The following FUT8 variants were observed in gnomAD, a reference collection of about 807,000 sequenced individuals.
The protein encoded by FUT8 is alpha-(1,6)-fucosyltransferase.
Under a neutral mutation model 71.3 loss-of-function variants are expected in FUT8, and 29 were observed. That is an observed-to-expected ratio of 0.41 (90% CI 0.30 to 0.55). FUT8 has a LOEUF of 0.55. FUT8 is among the 20% of genes least tolerant of loss of function. The pLI is 0.34. For missense variants in FUT8, 544 were observed against 702.1 expected (o/e 0.77, Z 2.55); for synonymous variants, 254 against 239.3 (o/e 1.06, Z -0.57).
chr14:65,650,707 C>CAAAAAAAAAAAAAAAAAAAA (rs57971519), intron 6 of FUT8, among the ~76,000 whole-genome samples: 1 of 118,974 alleles, frequency 8.4e-6, no homozygotes, highest in Admixed American at 8.5e-5. Context: ...CTGCTAATTA[C>CAAAAAAAAAAAAAAAAAAAA]AAAAAAAAAA....
intron 10 of FUT8, among the ~76,000 whole-genome samples, chr14:65,738,912 A>C (rs1050541250): frequency 1.1e-4 from 16 of 152,120 alleles, no homozygotes; most frequent in African/African-American, 3.6e-4. Flanking sequence ...TATTCATTCA[A>C]CAGATACTTA....
chr14:65,691,238 CTTTT>C (rs753975513), intron 7 of FUT8, among the ~76,000 whole-genome samples: 4 of 151,008 alleles, frequency 2.6e-5, no homozygotes, highest in African/African-American at 5.0e-5. Context: ...TTCTTTCTTT[CTTTT>C]GTCTTATTCC....
At position 65,743,835 on chromosome 14, in the gene FUT8, C is replaced by T. The variant is rs530136740; in HGVS notation, c.*1425C>T. 6.6e-6 allele frequency: 1 copy of T among 151,982 alleles called. No individual in the cohort carries two copies. Among genetic ancestry groups the T allele is most frequent in the African/African-American group, 2.4e-5 (1 of 41,526 alleles). The allele number at this position is 151,982 out of a possible 1,614,324, so 9.4% of individuals were successfully genotyped here. A position where few individuals can be genotyped will look rare whatever the true frequency, so the allele number is the denominator to read the frequency against. ...CTTATTGTATGTAGCCTGCCTCCTA[C>T]AGAGGCCTGGTAGGTGTTACTGCAT... On this transcript the variant is annotated 3_prime_UTR_variant, in exon 11 of 11. Transcript: ENST00000673929.
intron 1 of FUT8, among the ~76,000 whole-genome samples, chr14:65,450,506 C>T (rs887233798): frequency 4.6e-5 from 7 of 152,130 alleles, no homozygotes; most frequent in African/African-American, 9.7e-5. Flanking sequence ...GTTCCACTAA[C>T]GATAAGCAAG....
chr14:65,357,548 G>T, the FUT8 span, among the ~76,000 whole-genome samples: 2 of 152,142 alleles, frequency 1.3e-5, no homozygotes, highest in African/African-American at 2.4e-5. Flanking sequence ...TGATTTGAGG[G>T]CCCCCAACAC....
chr14:65,432,884 C>T (rs1276503506), intron 1 of FUT8, among the ~76,000 whole-genome samples: 1 of 152,146 alleles, frequency 6.6e-6, no homozygotes, highest in Non-Finnish European at 1.5e-5. Flanking sequence ...AAATAGGCAA[C>T]CAACAGCCCC....
At chr14:65,690,785 C>T (rs371665819) in intron 7 of FUT8, among the ~76,000 whole-genome samples, 2 of 150,904 alleles carry the variant, frequency 1.3e-5, no homozygotes, top group East Asian at 1.9e-4. Context: ...AGTGTAGTGG[C>T]GTGATCTTGG....
intron 2 of FUT8, among the ~76,000 whole-genome samples, chr14:65,477,342 C>G (rs540156300): frequency 5.9e-5 from 9 of 152,254 alleles, no homozygotes; most frequent in Non-Finnish European, 1.2e-4. Flanking sequence ...ATAAGAGTTC[C>G]CTAGGTCTCT....
At chr14:65,692,911 C>T (rs1206602618) in intron 7 of FUT8, among the ~76,000 whole-genome samples, 17 of 150,796 alleles carry the variant, frequency 1.1e-4, no homozygotes, top group African/African-American at 3.7e-4. Flanking sequence ...AGACGATGGG[C>T]GGCCGGGCAG....
chr14:65,736,154 G>A (rs1896206162), intron 10 of FUT8, among the ~76,000 whole-genome samples: 1 of 151,920 alleles, frequency 6.6e-6, no homozygotes. Context: ...TTCTACATGT[G>A]AAAAAATAAT....
intron 2 of FUT8, among the ~76,000 whole-genome samples, chr14:65,477,233 A>T (rs2066261034): frequency 6.6e-6 from 1 of 152,210 alleles, no homozygotes; most frequent in African/African-American, 2.4e-5. Context: ...CTAATTTTCC[A>T]CATCTGTAAA....
intron 6 of FUT8, among the ~76,000 whole-genome samples, chr14:65,649,903 A>G (rs1891282661): frequency 6.6e-6 from 1 of 152,306 alleles, no homozygotes; most frequent in Admixed American, 6.5e-5. Flanking sequence ...ATGTTTGAGA[A>G]TATATTGGGC....
intron 5 of FUT8, among the ~76,000 whole-genome samples, chr14:65,619,039 G>C (rs1889462091): frequency 6.6e-6 from 1 of 152,206 alleles, no homozygotes; most frequent in Non-Finnish European, 1.5e-5. Flanking sequence ...TTATGGAACT[G>C]AGAGGTCTGG....
At chr14:65,650,312 A>AC (rs1891322032) in intron 6 of FUT8, among the ~76,000 whole-genome samples, 3 of 147,764 alleles carry the variant, frequency 2.0e-5, no homozygotes, top group Middle Eastern at 3.5e-3. Flanking sequence ...AAAAAAAAAA[A>AC]AAAAAAAAAA....
intron 3 of FUT8, among the ~76,000 whole-genome samples, chr14:65,605,189 A>C (rs556511771): frequency 2.6e-5 from 4 of 152,082 alleles, no homozygotes; most frequent in Admixed American, 2.0e-4. Flanking sequence ...GGGTAATCTT[A>C]GAAGGATACA....
intron 3 of FUT8, among the ~76,000 whole-genome samples, chr14:65,572,972 T>C (rs1886564246): frequency 6.6e-6 from 1 of 152,190 alleles, no homozygotes; most frequent in Non-Finnish European, 1.5e-5. Flanking sequence ...TACAGAATAC[T>C]GTTTTCAACA....
intron 1 of FUT8, among the ~76,000 whole-genome samples, chr14:65,423,298 G>T (rs1217156176): frequency 1.1e-4 from 15 of 137,114 alleles, no homozygotes; most frequent in Non-Finnish European, 1.5e-5. Flanking sequence ...GTCTGGCTCT[G>T]TCGGCCAGGC....
intron 1 of FUT8, among the ~76,000 whole-genome samples, chr14:65,439,978 A>ATATATG (rs1566748265): frequency 7.3e-6 from 1 of 137,296 alleles, no homozygotes; most frequent in East Asian, 2.2e-4. Context: ...ATATATATAT[A>ATATATG]TATATATATA....
intron 1 of FUT8, among the ~76,000 whole-genome samples, chr14:65,424,289 C>T (rs1388271124): frequency 1.3e-5 from 2 of 152,128 alleles, no homozygotes; most frequent in Non-Finnish European, 2.9e-5. Flanking sequence ...TTCAATAGTA[C>T]AGGGTGTAGT....
Sources: allele counts gnomAD v4.1 joint callset (sites outside exome capture counted in the v4.1 genomes callset), GRCh38; gene constraint gnomAD v4.1.1; transcripts MANE v1.5; gene names NCBI Gene and HGNC (gene_info 2026-07-23, HGNC 2026-07-21).